GPC3: variants seen among roughly 807,000 people sequenced by gnomAD.
GPC3 encodes glypican-3.
Under a neutral mutation model 34.4 loss-of-function variants are expected in GPC3, and 3 were observed. That is an observed-to-expected ratio of 0.09 (90% CI 0.04 to 0.23). The LOEUF (loss-of-function observed/expected upper bound fraction) is 0.23. GPC3 is among the 10% of genes least tolerant of loss of function. The pLI, the probability that GPC3 is intolerant of heterozygous loss-of-function variation, is 1.00. For missense variants in GPC3, 351 were observed against 445.6 expected (o/e 0.79, Z 1.91); for synonymous variants, 177 against 174.0 (o/e 1.02, Z -0.13).
Position 133,650,189 on chromosome X carries a change from C to T in GPC3, c.1413+11541G>A, listed in dbSNP as rs750928357. On this transcript the variant is annotated intron_variant, in intron 6 of 7. Coordinates refer to ENST00000370818, the MANE Select transcript of GPC3 (RefSeq NM_004484.4). ...GGGTTTTAAATATAGGAACCTCTCACCATCTTCAACCAGAGAGCAAAATGC... is the reference window on the plus strand; with the variant it reads ...GGGTTTTAAATATAGGAACCTCTCATCATCTTCAACCAGAGAGCAAAATGC... 2.7e-5 allele frequency among the ~76,000 whole-genome samples: 3 copies of T among 111,672 alleles called. No homozygotes were observed. In the South Asian group the frequency reaches 1.1e-3, roughly 42 times the overall value.
chrX:133,828,763 C>T (rs942794207), intron 2 of GPC3, among the ~76,000 whole-genome samples: 20 of 110,171 alleles, frequency 1.8e-4, no homozygotes, highest in African/African-American at 4.3e-4. Context: ...TGAGATCTAT[C>T]GCACAGCATG....
intron 2 of GPC3, among the ~76,000 whole-genome samples, chrX:133,869,743 CAAGACA>C (rs1198264296): frequency 1.8e-5 from 2 of 111,659 alleles, no homozygotes; most frequent in African/African-American, 6.5e-5. Flanking sequence ...GTCAGGAGAT[CAAGACA>C]GAGACCATCC....
chrX:133,790,081 T>C (rs1330146618), intron 2 of GPC3, among the ~76,000 whole-genome samples: 1 of 110,028 alleles, frequency 9.1e-6, no homozygotes, highest in Non-Finnish European at 1.9e-5. Flanking sequence ...AACTGATAAA[T>C]GAGGAGTCAA....
intron 6 of GPC3, among the ~76,000 whole-genome samples, chrX:133,633,778 G>T (rs943612785): frequency 8.9e-6 from 1 of 112,044 alleles, no homozygotes; most frequent in African/African-American, 3.2e-5. Context: ...CTCTGCTCTA[G>T]AGGAGAGAAA....
At chrX:133,806,839 G>A (rs978767186) in intron 2 of GPC3, among the ~76,000 whole-genome samples, 10 of 109,549 alleles carry the variant, frequency 9.1e-5, no homozygotes, top group Non-Finnish European at 1.5e-4. Flanking sequence ...TAGTAGAGAC[G>A]GGGTTTCACC....
chrX:133,735,568 G>A (rs1452359602), intron 3 of GPC3, among the ~76,000 whole-genome samples: 1 of 111,507 alleles, frequency 9.0e-6, no homozygotes, highest in Non-Finnish European at 1.9e-5. Context: ...TCTTAGATAT[G>A]ACACATAAAG....
intron 2 of GPC3, among the ~76,000 whole-genome samples, chrX:133,814,919 T>C (rs2075682581): frequency 9.0e-6 from 1 of 111,201 alleles, no homozygotes; most frequent in Admixed American, 9.6e-5. Context: ...ATCAAATCAG[T>C]GCCTCTCCTG....
chrX:133,777,591 A>G (rs967426478), intron 2 of GPC3, among the ~76,000 whole-genome samples: 3 of 111,990 alleles, frequency 2.7e-5, no homozygotes, highest in Non-Finnish European at 5.6e-5. Flanking sequence ...TTAGATTAGG[A>G]ATCTTTGATA....
At chrX:133,622,502 G>A (rs1327654790) in intron 6 of GPC3, among the ~76,000 whole-genome samples, 1 of 112,009 alleles carries the variant, frequency 8.9e-6, no homozygotes, top group African/African-American at 3.2e-5. Flanking sequence ...AGAAAACCAT[G>A]GCACAAGAAC....
At chrX:133,955,808 T>C (rs2076414096) in intron 1 of GPC3, among the ~76,000 whole-genome samples, 2 of 112,321 alleles carry the variant, frequency 1.8e-5, no homozygotes, top group East Asian at 5.6e-4. Context: ...GAAGTCATAC[T>C]AGAAAGCATA....
At chrX:133,637,323 C>A (rs938413467) in intron 6 of GPC3, among the ~76,000 whole-genome samples, 1 of 110,349 alleles carries the variant, frequency 9.1e-6, no homozygotes, top group Non-Finnish European at 1.9e-5. Context: ...CAAAAATTAG[C>A]CGGAAATCGC....
intron 2 of GPC3, among the ~76,000 whole-genome samples, chrX:133,806,726 G>GC (rs779018972): frequency 9.1e-6 from 1 of 110,067 alleles, no homozygotes; most frequent in Non-Finnish European, 1.9e-5. Context: ...TTGGCTCACT[G>GC]CAAGTTCCGC....
intron 2 of GPC3, among the ~76,000 whole-genome samples, chrX:133,880,837 A>T (rs1250786421): frequency 8.9e-6 from 1 of 111,811 alleles, no homozygotes; most frequent in African/African-American, 3.2e-5. Context: ...ATCATCCTAA[A>T]CTACAAAGCC....
chrX:133,609,113 C>T (rs1243165467), intron 6 of GPC3, among the ~76,000 whole-genome samples: 1 of 112,238 alleles, frequency 8.9e-6, no homozygotes, highest in Non-Finnish European at 1.9e-5. Context: ...CTTAAGTAAA[C>T]ATTAACTTAA....
At chrX:133,584,342 G>C (rs1408002696) in intron 7 of GPC3, among the ~76,000 whole-genome samples, 1 of 111,800 alleles carries the variant, frequency 8.9e-6, no homozygotes, top group Non-Finnish European at 1.9e-5. Flanking sequence ...ACTTGCTTTC[G>C]ACCCTCCAAG....
intron 3 of GPC3, among the ~76,000 whole-genome samples, chrX:133,741,422 A>T (rs1371403198): frequency 4.5e-5 from 5 of 111,814 alleles, no homozygotes; most frequent in Non-Finnish European, 9.4e-5. Context: ...ATGAATAGTA[A>T]CTGAAAGAGT....
At chrX:133,949,750 G>A (rs1159839504) in intron 2 of GPC3, among the ~76,000 whole-genome samples, 2 of 111,868 alleles carry the variant, frequency 1.8e-5, no homozygotes, top group Non-Finnish European at 3.8e-5. Context: ...AAGGTTTAAA[G>A]GTATAGAGGT....
chrX:133,974,029 T>C (rs1399994117), intron 1 of GPC3, among the ~76,000 whole-genome samples: 3 of 111,764 alleles, frequency 2.7e-5, no homozygotes, highest in Non-Finnish European at 5.6e-5. Flanking sequence ...CTAATAACTT[T>C]CAGCGTTTTT....
At chrX:133,613,011 C>A (rs2070126990) in intron 6 of GPC3, among the ~76,000 whole-genome samples, 1 of 111,459 alleles carries the variant, frequency 9.0e-6, no homozygotes, top group African/African-American at 3.3e-5. Flanking sequence ...TGCATTCACT[C>A]CACACTGACA....
Sources: gnomAD v4.1 joint callset for allele counts (sites outside exome capture counted in the v4.1 genomes callset) on GRCh38, gnomAD v4.1.1 for gene constraint, MANE v1.5 for transcripts, NCBI Gene and HGNC (gene_info 2026-07-23, HGNC 2026-07-21) for gene names.